Variants in SPMIP2 observed in about 807,000 individuals in gnomAD.
SPMIP2 encodes the protein sperm microtubule inner protein 2, also known as protein SPMIP2.
chr4:159,002,152 C>T, the SPMIP2 span, among the ~76,000 whole-genome samples: 1 of 152,068 alleles, frequency 6.6e-6, no homozygotes, highest in African/African-American at 2.4e-5. Flanking sequence ...ATCACTTGCC[C>T]ACTTTTTAAT....
At chr4:158,985,746 C>G in the SPMIP2 span, among the ~76,000 whole-genome samples, 5 of 151,930 alleles carry the variant, frequency 3.3e-5, no homozygotes, top group Admixed American at 3.3e-4. Context: ...CCCTCTCTCA[C>G]CACTCCTATT....
the SPMIP2 span, among the ~76,000 whole-genome samples, chr4:159,021,991 A>G: frequency 6.6e-6 from 1 of 152,188 alleles, no homozygotes; most frequent in Non-Finnish European, 1.5e-5. Context: ...GGAATCATAG[A>G]TCATTTTATT....
chr4:159,066,962 T>C, the SPMIP2 span, among the ~76,000 whole-genome samples: 6 of 152,140 alleles, frequency 3.9e-5, no homozygotes, highest in Admixed American at 1.3e-4. Flanking sequence ...CAGGTGGTGG[T>C]TTGTTGATTT....
At chr4:158,966,899 T>C in the SPMIP2 span, among the ~76,000 whole-genome samples, 5 of 152,166 alleles carry the variant, frequency 3.3e-5, no homozygotes, top group Non-Finnish European at 5.9e-5. Flanking sequence ...AAGTCACCTC[T>C]AAAAGAGAGA....
the SPMIP2 span, among the ~76,000 whole-genome samples, chr4:159,073,238 C>T: frequency 6.6e-6 from 1 of 152,180 alleles, no homozygotes; most frequent in Non-Finnish European, 1.5e-5. Context: ...ACTGCAGCCT[C>T]GACCTCCCAG....
At chr4:159,038,792 T>C in the SPMIP2 span, 1 of 152,256 alleles carries the variant, frequency 6.6e-6, no homozygotes, top group Non-Finnish European at 1.5e-5. Context: ...GAGGGCATTT[T>C]GTGCAAAGGG....
the SPMIP2 span, among the ~76,000 whole-genome samples, chr4:159,006,927 G>C: frequency 1.3e-5 from 2 of 152,192 alleles, no homozygotes; most frequent in African/African-American, 4.8e-5. Flanking sequence ...AGAAGGGTTA[G>C]GATTGGTCAA....
the SPMIP2 span, among the ~76,000 whole-genome samples, chr4:158,932,974 GT>G: frequency 2.7e-4 from 41 of 152,258 alleles, no homozygotes; most frequent in African/African-American, 7.5e-4. Context: ...CAAGCATTTG[GT>G]TTATTCCCAG....
chr4:158,976,659 A>ATTTTTTTT, the SPMIP2 span, among the ~76,000 whole-genome samples: 80 of 94,718 alleles, frequency 8.4e-4, 5 homozygotes, highest in African/African-American at 2.6e-3. Context: ...ATGGATAAGC[A>ATTTTTTTT]TTTTTTTTTT....
the SPMIP2 span, among the ~76,000 whole-genome samples, chr4:158,911,764 A>AC: frequency 1.3e-5 from 2 of 152,192 alleles, no homozygotes; most frequent in African/African-American, 4.8e-5. Context: ...GATTTGCATG[A>AC]CCTTTAAAAT....
At chr4:158,956,641 A>G in the SPMIP2 span, among the ~76,000 whole-genome samples, 1 of 152,244 alleles carries the variant, frequency 6.6e-6, no homozygotes, top group African/African-American at 2.4e-5. Flanking sequence ...GACCCTGGTC[A>G]TGTGACAATC....
the SPMIP2 span, among the ~76,000 whole-genome samples, chr4:159,013,199 G>C: frequency 1.6e-4 from 25 of 152,308 alleles, no homozygotes; most frequent in African/African-American, 5.5e-4. Flanking sequence ...AACTTAAACA[G>C]AGAAATGCCA....
At chr4:158,924,021 TAAG>T in the SPMIP2 span, among the ~76,000 whole-genome samples, 1 of 152,160 alleles carries the variant, frequency 6.6e-6, no homozygotes, top group Non-Finnish European at 1.5e-5. Flanking sequence ...GGTGTCCTTA[TAAG>T]AAGAGAAAGA....
the SPMIP2 span, among the ~76,000 whole-genome samples, chr4:158,954,747 G>A: frequency 6.6e-6 from 1 of 152,148 alleles, no homozygotes; most frequent in Non-Finnish European, 1.5e-5. Context: ...AATAAAAACA[G>A]GCATTTCTGA....
the SPMIP2 span, among the ~76,000 whole-genome samples, chr4:158,981,916 A>G: frequency 1.3e-5 from 2 of 152,044 alleles, no homozygotes; most frequent in African/African-American, 4.8e-5. Flanking sequence ...CCCCAATTAA[A>G]AGACACAAGA....
At chr4:158,942,939 C>A in the SPMIP2 span, among the ~76,000 whole-genome samples, 1 of 152,126 alleles carries the variant, frequency 6.6e-6, no homozygotes, top group Non-Finnish European at 1.5e-5. Flanking sequence ...GCAGGAATTA[C>A]GTTTTATTTT....
the SPMIP2 span, among the ~76,000 whole-genome samples, chr4:158,996,720 G>A: frequency 6.6e-6 from 1 of 152,162 alleles, no homozygotes; most frequent in Non-Finnish European, 1.5e-5. Flanking sequence ...AGGTCCCAAG[G>A]AGGCTGTCAC....
At chr4:158,941,287 A>G in the SPMIP2 span, among the ~76,000 whole-genome samples, 1 of 152,228 alleles carries the variant, frequency 6.6e-6, no homozygotes, top group Admixed American at 6.5e-5. Context: ...TAAGAACATT[A>G]TATGATTGAT....
the SPMIP2 span, among the ~76,000 whole-genome samples, chr4:159,049,715 T>C: frequency 2.6e-5 from 4 of 152,250 alleles, no homozygotes; most frequent in Admixed American, 2.6e-4. Context: ...GTTCTGAATT[T>C]TTATGATTCG....
Sources: gnomAD v4.1 joint callset for allele counts (sites outside exome capture counted in the v4.1 genomes callset) on GRCh38, gnomAD v4.1.1 for gene constraint, MANE v1.5 for transcripts, NCBI Gene and HGNC (gene_info 2026-07-23, HGNC 2026-07-21) for gene names.